LRRK2: variants seen among roughly 807,000 people sequenced by gnomAD.
LRRK2 encodes leucine rich repeat kinase 2, also known as leucine-rich repeat serine/threonine-protein kinase 2.
Under a neutral mutation model 302.6 loss-of-function variants are expected in LRRK2, and 203 were observed. The observed-to-expected ratio is 0.67, with a 90% confidence interval of 0.60 to 0.75. The LOEUF is 0.75. Ranked by LOEUF, LRRK2 falls within the 30% of genes least tolerant of loss-of-function variation. The probability of loss-of-function intolerance (pLI) is 0.00; values close to 1 mark genes in which losing one functional copy is unlikely to be tolerated. For missense variants in LRRK2, 2,830 were observed against 2,951.0 expected (o/e 0.96, Z 0.95); for synonymous variants, 1,066 against 1,031.9 (o/e 1.03, Z -0.63).
intron 16 of LRRK2, among the ~76,000 whole-genome samples, chr12:40,277,490 A>C (rs1391841270): frequency 6.6e-6 from 1 of 152,188 alleles, no homozygotes; most frequent in African/African-American, 2.4e-5. Flanking sequence ...GTTCAATATT[A>C]TAATACAAAT....
At chr12:40,240,379 A>G in intron 5 of LRRK2, 104 bp from the exon 6 acceptor site, 2 of 1,018,920 alleles carry the variant, frequency 2.0e-6, no homozygotes, top group Non-Finnish European at 3.0e-6. Context: ...AGGAGATTAC[A>G]CTTGATGTAT....
At chr12:40,332,769 T>C (rs901129409) in intron 39 of LRRK2, among the ~76,000 whole-genome samples, 26 of 152,086 alleles carry the variant, frequency 1.7e-4, no homozygotes, top group African/African-American at 6.3e-4. Flanking sequence ...TAATTTCTTA[T>C]ATAAATTGAT....
chr12:40,312,874 A>G (rs1200039168), intron 31 of LRRK2: 1 of 152,024 alleles, frequency 6.6e-6, no homozygotes, highest in African/African-American at 2.4e-5. Flanking sequence ...ATCTTAATTT[A>G]TGAACGACTA....
At chr12:40,297,963 CT>C (rs1429354453) in intron 23 of LRRK2, among the ~76,000 whole-genome samples, 1 of 151,952 alleles carries the variant, frequency 6.6e-6, no homozygotes, top group Non-Finnish European at 1.5e-5. Context: ...TTTGCTCTTT[CT>C]GGAAATAATT....
At chr12:40,315,072 C>T in intron 32 of LRRK2, 140 bp from the exon 33 acceptor site, 1 of 726,974 alleles carries the variant, frequency 1.4e-6, no homozygotes, top group Non-Finnish European at 2.5e-6. Flanking sequence ...GGATGCACAG[C>T]TTCTAGTCCC....
At position 40,284,018 on chromosome 12, in the gene LRRK2, C is replaced by T. The variant is rs201177991; in HGVS notation, c.2385C>T (p.Ala795=). 5.6e-5 allele frequency: 90 copies of T among 1,613,652 alleles called. No homozygotes were observed. Among genetic ancestry groups the T allele is most frequent in the African/African-American group, 8.0e-5 (6 of 74,848 alleles). ...QIISLLLRRL[A]LDVANNSICL... is the part of the protein sequence containing the mutation. ...TCAGCTTGCTCTTAAGGAGGCTGGC[C>T]CTGGATGTGGCCAACAATAGCATTT... is the stretch of plus-strand genomic sequence containing the variant. Residue 795 remains alanine (A), a synonymous_variant, in exon 19 of 51, where the codon GCC becomes GCT. Transcript: ENST00000298910.
intron 20 of LRRK2, among the ~76,000 whole-genome samples, chr12:40,289,474 A>G (rs1944059213): frequency 6.7e-6 from 1 of 150,032 alleles, no homozygotes; most frequent in African/African-American, 2.4e-5. Flanking sequence ...GATTTTATAT[A>G]GAATTTATTT....
chr12:40,297,689 T>C (rs1944434558), intron 23 of LRRK2, among the ~76,000 whole-genome samples: 1 of 152,088 alleles, frequency 6.6e-6, no homozygotes, highest in South Asian at 2.1e-4. Context: ...ATTGACATAA[T>C]GTGTAAGTAG....
intron 40 of LRRK2, among the ~76,000 whole-genome samples, chr12:40,338,421 T>C: frequency 6.6e-6 from 1 of 152,246 alleles, no homozygotes; most frequent in Admixed American, 6.5e-5. Flanking sequence ...AAGAAGTCTC[T>C]TAGCAACTCT....
intron 6 of LRRK2, among the ~76,000 whole-genome samples, chr12:40,242,647 A>G (rs914488490): frequency 6.6e-6 from 1 of 151,692 alleles, no homozygotes; most frequent in Non-Finnish European, 1.5e-5. Context: ...ATCTGGTGAC[A>G]TATTCTTGAT....
At chr12:40,228,909 T>C (rs1339680191) in intron 2 of LRRK2, among the ~76,000 whole-genome samples, 2 of 152,242 alleles carry the variant, frequency 1.3e-5, no homozygotes, top group Non-Finnish European at 2.9e-5. Context: ...AGCTGCTCAC[T>C]GAGGATCAAA....
intron 14 of LRRK2, 25 bp from the exon 15 acceptor site, chr12:40,274,558 A>C: frequency 6.2e-7 from 1 of 1,612,252 alleles, no homozygotes; most frequent in Non-Finnish European, 8.5e-7. Flanking sequence ...CTCATTTTTA[A>C]CAGCGAGTAT....
intron 38 of LRRK2, 76 bp downstream of exon 38, chr12:40,323,382 AATTAT>A: frequency 8.0e-7 from 1 of 1,246,458 alleles, no homozygotes; most frequent in East Asian, 2.6e-5. Context: ...TAGATTTCAT[AATTAT>A]ATTGTCATAG....
rs540548935 is a variant in LRRK2, at chr12:40,308,335, T to A, written c.3960-132T>A. On this transcript the variant is annotated intron_variant, in intron 28 of 50. Coordinates refer to ENST00000298910, the MANE Select transcript of LRRK2 (RefSeq NM_198578.4). Reference sequence around the variant, plus strand: ...ACAGTACTCTGAAAGACATGTACATTATTAGTTATATGAGATATGCACTCT... The same window carrying A: ...ACAGTACTCTGAAAGACATGTACATAATTAGTTATATGAGATATGCACTCT... 92 of 665,780 alleles carry A rather than the reference T, an allele frequency of 1.4e-4. 1 individual carries two copies. The South Asian group carries it at 1.7e-3, about 13-fold the overall frequency. The allele number at this position is 665,780 out of a possible 1,614,324, so 41.2% of individuals were successfully genotyped here.
intron 3 of LRRK2, among the ~76,000 whole-genome samples, chr12:40,234,383 T>C (rs1941347790): frequency 7.1e-6 from 1 of 141,302 alleles, no homozygotes; most frequent in Non-Finnish European, 1.5e-5. Context: ...TTTTTTTTTT[T>C]TTTTTTTTTT....
chr12:40,333,986 C>G (rs1424842524), intron 39 of LRRK2, among the ~76,000 whole-genome samples: 1 of 151,886 alleles, frequency 6.6e-6, no homozygotes, highest in African/African-American at 2.4e-5. Flanking sequence ...GTGCTGAGGC[C>G]GTGGAAGTAG....
At position 40,346,789 on chromosome 12, in the gene LRRK2, T is replaced by C. The variant is rs1441821329; in HGVS notation, c.6146T>C (p.Ile2049Thr). 6.2e-7 allele frequency: 1 copy of C among 1,613,882 alleles called. No individual in the cohort carries two copies. Among genetic ancestry groups the C allele is most frequent in the African/African-American group, 1.3e-5 (1 of 74,936 alleles). ...CCTGAAGTTGCCAGAGGAAATGTCATTTATAACCAACAGGCTGATGTTTAT... is the reference window on the plus strand; with the variant it reads ...CCTGAAGTTGCCAGAGGAAATGTCACTTATAACCAACAGGCTGATGTTTAT... ...RAPEVARGNVIYNQQADVYSF... is the reference protein window; with the variant it reads ...RAPEVARGNVTYNQQADVYSF... The change falls in exon 42 of 51, where the codon ATT (isoleucine) becomes ACT (threonine). Residue 2049 changes from isoleucine (I) to threonine (T), a missense_variant. Physicochemically the swap from Ile to Thr is moderately conservative, Grantham distance 89. This residue lies in a region of LRRK2 where 253 missense variants were observed against 346.7 expected (regional missense o/e 0.73). Transcript: ENST00000298910.
intron 3 of LRRK2, among the ~76,000 whole-genome samples, chr12:40,233,272 TAA>T (rs1164211558): frequency 6.6e-6 from 1 of 152,236 alleles, no homozygotes; most frequent in Non-Finnish European, 1.5e-5. Flanking sequence ...TTTTTATACC[TAA>T]TATGACTTTT....
chr12:40,344,924 TGG>T (rs895460128), intron 41 of LRRK2, among the ~76,000 whole-genome samples: 2 of 152,068 alleles, frequency 1.3e-5, no homozygotes, highest in Non-Finnish European at 2.9e-5. Context: ...TGCATATATG[TGG>T]GGAAATGTTA....
Sources: allele counts gnomAD v4.1 joint callset (sites outside exome capture counted in the v4.1 genomes callset), GRCh38; gene constraint gnomAD v4.1.1; regional missense constraint gnomAD v4.1.1; transcripts MANE v1.5; gene names NCBI Gene and HGNC (gene_info 2026-07-23, HGNC 2026-07-21).